Variants in KCNQ3 observed in about 807,000 individuals in gnomAD.
The protein encoded by KCNQ3 is potassium voltage-gated channel subfamily KQT member 3.
In KCNQ3, 30 loss-of-function variants were observed where a neutral mutation model predicts 92.5. That is an observed-to-expected ratio of 0.32 (90% CI 0.24 to 0.44). KCNQ3 has a LOEUF of 0.44. KCNQ3 is among the 20% of genes least tolerant of loss of function. The pLI is 1.00. For missense variants in KCNQ3, 913 were observed against 1,140.3 expected, an observed-to-expected ratio of 0.80 and a Z score of 2.87; for synonymous variants, 450 against 468.8, an observed-to-expected ratio of 0.96 and a Z score of 0.52.
intron 1 of KCNQ3, among the ~76,000 whole-genome samples, chr8:132,193,075 C>T (rs28522410): frequency 0.22 from 33,731 of 152,050 alleles, 4,076 homozygotes; most frequent in African/African-American, 0.32. Flanking sequence ...GTTCCTCCTT[C>T]CTCTGCGCCT....
intron 9 of KCNQ3, among the ~76,000 whole-genome samples, chr8:132,161,143 A>G (rs1298626015): frequency 6.6e-6 from 1 of 152,196 alleles, no homozygotes; most frequent in African/African-American, 2.4e-5. Flanking sequence ...TAGCTTTATA[A>G]CTAAATATGG....
At chr8:132,271,838 G>A (rs750960581) in intron 1 of KCNQ3, among the ~76,000 whole-genome samples, 9 of 152,106 alleles carry the variant, frequency 5.9e-5, no homozygotes, top group Non-Finnish European at 1.2e-4. Flanking sequence ...ATGCAAATCC[G>A]GCCCTGTGAC....
At chr8:132,380,758 T>C (rs190083021) in intron 1 of KCNQ3, among the ~76,000 whole-genome samples, 380 of 149,420 alleles carry the variant, frequency 2.5e-3, no homozygotes, top group Non-Finnish European at 3.9e-3. Flanking sequence ...TTAATTAATA[T>C]TCACGGAATA....
chr8:132,248,065 C>A (rs993963852), intron 1 of KCNQ3, among the ~76,000 whole-genome samples: 1 of 152,086 alleles, frequency 6.6e-6, no homozygotes, highest in Non-Finnish European at 1.5e-5. Context: ...AGGATTCAAA[C>A]CCAGGTGTCT....
intron 1 of KCNQ3, among the ~76,000 whole-genome samples, chr8:132,214,449 A>G (rs971325068): frequency 5.9e-5 from 9 of 152,192 alleles, no homozygotes; most frequent in African/African-American, 2.2e-4. Context: ...TACAAGTCCA[A>G]TAACTGTCGT....
chr8:132,133,189 C>T (rs530084963), intron 13 of KCNQ3, among the ~76,000 whole-genome samples: 12 of 152,178 alleles, frequency 7.9e-5, no homozygotes, highest in African/African-American at 2.2e-4. Flanking sequence ...GAAGGTAGGG[C>T]GCTCATTTCT....
intron 1 of KCNQ3, among the ~76,000 whole-genome samples, chr8:132,300,738 T>C (rs1025410823): frequency 2.0e-5 from 3 of 152,198 alleles, no homozygotes; most frequent in Admixed American, 2.0e-4. Context: ...TGTTTTAAAC[T>C]GTATCTCAGG....
intron 1 of KCNQ3, chr8:132,278,112 C>A: frequency 1.0e-6 from 1 of 985,316 alleles, no homozygotes; most frequent in Non-Finnish European, 1.2e-6. Flanking sequence ...TCCACAGTAC[C>A]ACATTGCCTC....
chr8:132,255,985 C>CAAA (rs1815572338), intron 1 of KCNQ3, among the ~76,000 whole-genome samples: 1 of 150,616 alleles, frequency 6.6e-6, no homozygotes, highest in South Asian at 2.1e-4. Context: ...AATAAACAAA[C>CAAA]CAAAAAAACA....
At chr8:132,452,655 A>G (rs959791700) in intron 1 of KCNQ3, among the ~76,000 whole-genome samples, 7 of 152,180 alleles carry the variant, frequency 4.6e-5, no homozygotes, top group African/African-American at 1.7e-4. Context: ...AGACAGGACT[A>G]GGGATATCTG....
chr8:132,419,382 A>AT (rs1175729704), intron 1 of KCNQ3, among the ~76,000 whole-genome samples: 1 of 152,184 alleles, frequency 6.6e-6, no homozygotes, highest in African/African-American at 2.4e-5. Flanking sequence ...TAAATGCAAC[A>AT]TTTTTCATTT....
intron 1 of KCNQ3, among the ~76,000 whole-genome samples, chr8:132,385,805 T>TAAGAGCAAGGA (rs1348150967): frequency 6.6e-6 from 1 of 151,552 alleles, no homozygotes; most frequent in Non-Finnish European, 1.5e-5. Context: ...ACAAAAAATA[T>TAAGAGCAAGGA]AAGAGCAAGG....
intron 1 of KCNQ3, among the ~76,000 whole-genome samples, chr8:132,226,287 C>T (rs1434771586): frequency 6.8e-6 from 1 of 147,870 alleles, no homozygotes; most frequent in Non-Finnish European, 1.5e-5. Flanking sequence ...AAAAAAAAAT[C>T]ATGGAGGATT....
At chr8:132,335,310 A>AT (rs1380636065) in intron 1 of KCNQ3, among the ~76,000 whole-genome samples, 1 of 152,152 alleles carries the variant, frequency 6.6e-6, no homozygotes, top group African/African-American at 2.4e-5. Context: ...AAGTGCTGGG[A>AT]TTACAGGTGT....
intron 1 of KCNQ3, among the ~76,000 whole-genome samples, chr8:132,330,172 C>T (rs903351336): frequency 2.6e-5 from 4 of 152,138 alleles, no homozygotes; most frequent in African/African-American, 7.2e-5. Context: ...AGTGATATGG[C>T]CACAAGCCCA....
chr8:132,213,891 A>C (rs776538846), intron 1 of KCNQ3, among the ~76,000 whole-genome samples: 29 of 152,308 alleles, frequency 1.9e-4, no homozygotes, highest in Non-Finnish European at 3.7e-4. Flanking sequence ...GCAGCATTTC[A>C]AATGGGATGT....
rs531595024 is a variant in KCNQ3 at position 132,350,829 on chromosome 8, T to C, written c.386+129318A>G. Among the ~76,000 whole-genome samples, 7 of 152,322 alleles carry C rather than the reference T, an allele frequency of 4.6e-5. No individual in the cohort carries two copies. The South Asian group carries it at 1.5e-3, about 32-fold the overall frequency. Reference sequence around the variant, plus strand: ...CCCATGCAATTCTACCAGCCTTCTCTTCTGGAATTCTAAGTCCTATTTTTC... The same window carrying C: ...CCCATGCAATTCTACCAGCCTTCTCCTCTGGAATTCTAAGTCCTATTTTTC... On this transcript the variant is annotated intron_variant, in intron 1 of 14. Coordinates refer to ENST00000388996, the MANE Select transcript of KCNQ3 (RefSeq NM_004519.4).
At chr8:132,471,258 T>G (rs559892984) in intron 1 of KCNQ3, among the ~76,000 whole-genome samples, 1 of 152,158 alleles carries the variant, frequency 6.6e-6, no homozygotes, top group African/African-American at 2.4e-5. Flanking sequence ...GACATGAGGA[T>G]AGAAGCACCA....
At chr8:132,239,669 T>C (rs1438866635) in intron 1 of KCNQ3, among the ~76,000 whole-genome samples, 7 of 152,192 alleles carry the variant, frequency 4.6e-5, no homozygotes, top group African/African-American at 1.7e-4. Context: ...AAGACACACT[T>C]GCATGATGGA....
Sources: allele counts gnomAD v4.1 joint callset (sites outside exome capture counted in the v4.1 genomes callset), GRCh38; gene constraint gnomAD v4.1.1; transcripts MANE v1.5; gene names NCBI Gene and HGNC (gene_info 2026-07-23, HGNC 2026-07-21).